The following HPS3 variants were observed in gnomAD, a reference collection of about 807,000 sequenced individuals.
HPS3 encodes HPS3 biogenesis of lysosomal organelles complex 2 subunit 1.
A neutral mutation model predicts 110.9 loss-of-function variants in HPS3; 79 were observed. The ratio of observed to expected loss-of-function variants is 0.71; its 90% CI spans 0.59 to 0.86. The LOEUF (loss-of-function observed/expected upper bound fraction) is 0.86. HPS3 is among the 40% of genes least tolerant of loss of function. The probability of loss-of-function intolerance (pLI) is 0.00; values close to 1 mark genes in which losing one functional copy is unlikely to be tolerated. For synonymous variants in HPS3, 428 were observed against 451.0 expected (o/e 0.95, Z 0.65); for missense variants, 1,197 against 1,206.2 (o/e 0.99, Z 0.11).
intron 1 of HPS3, among the ~76,000 whole-genome samples, chr3:149,136,205 CATAT>C (rs35285836): frequency 8.0e-5 from 12 of 150,272 alleles, no homozygotes; most frequent in South Asian, 2.1e-4. Context: ...TATGTATATA[CATAT>C]ATATATACAC....
rs553394371 is a variant in HPS3, at chr3:149,166,901, T to C, written c.2590-133T>C. 7 of 726,928 alleles carry C rather than the reference T, an allele frequency of 9.6e-6. No individual in the cohort carries two copies. The East Asian group carries it at 1.5e-4, about 16-fold the overall frequency. 45.0% of individuals were successfully genotyped at this position (726,928 alleles called of 1,614,324 possible). On this transcript the variant is annotated intron_variant, in intron 14 of 16. Coordinates refer to ENST00000296051, the MANE Select transcript of HPS3 (RefSeq NM_032383.5). ...ATTTATTAAATAAGGACCACGTGCA[T>C]GTGCTCTAATATGGCATTCTTTCTA...
intron 1 of HPS3, among the ~76,000 whole-genome samples, chr3:149,137,009 A>G (rs1722151598): frequency 1.3e-5 from 2 of 152,224 alleles, no homozygotes; most frequent in Non-Finnish European, 1.5e-5. Flanking sequence ...GTATATCAAA[A>G]GACTCATCAA....
At chr3:149,154,989 G>C in intron 7 of HPS3, 118 bp from the exon 8 acceptor site, 1 of 696,280 alleles carries the variant, frequency 1.4e-6, no homozygotes, top group East Asian at 2.7e-5. Flanking sequence ...GTTAATCACT[G>C]AGGAAAATAG....
rs35096694 is a variant in HPS3, at chr3:149,172,040, A to T, written c.2888-55A>T. 14,306 of 1,576,530 alleles carry T rather than the reference A, an allele frequency of 9.1e-3. 211 individuals are homozygous for T. Among genetic ancestry groups the T allele is most frequent in the African/African-American group, 0.063 (4,673 of 74,112 alleles). On this transcript the variant is annotated intron_variant, in intron 16 of 16. Coordinates refer to ENST00000296051, the MANE Select transcript of HPS3 (RefSeq NM_032383.5). ...TCTAATTGGTTGGTTAAGTAAGAAGAGATTGAATGAAAGACAGACTTTCAA... is the reference window on the plus strand; with the variant it reads ...TCTAATTGGTTGGTTAAGTAAGAAGTGATTGAATGAAAGACAGACTTTCAA...
In HPS3 at chr3:149,140,030, A is replaced by G. The variant is rs1359875512; in HGVS notation, c.244A>G (p.Lys82Glu). 2.5e-6 allele frequency: 4 copies of G among 1,613,314 alleles called. No homozygotes were observed. The highest frequency in any genetic ancestry group is 3.4e-6 in the Non-Finnish European group (4 of 1,179,628). ...AGATTATTTGGTAGCAATTGAAGAG[A>G]AAAACAAAGCTACATTTCTACGTGC... is the stretch of plus-strand genomic sequence containing the variant. ...AGDYLVAIEEKNKATFLRAYV... is the reference protein window; with the variant it reads ...AGDYLVAIEEENKATFLRAYV... Residue 82 changes from lysine to glutamate, a missense_variant, in exon 2 of 17, where the codon AAA (lysine) becomes GAA (glutamate). By Grantham distance (56) the Lys-to-Glu change is moderately conservative (BLOSUM62 1). Coordinates refer to ENST00000296051, the MANE Select transcript of HPS3 (RefSeq NM_032383.5).
At chr3:149,136,945 T>C (rs1722145409) in intron 1 of HPS3, among the ~76,000 whole-genome samples, 1 of 152,170 alleles carries the variant, frequency 6.6e-6, no homozygotes, top group Admixed American at 6.5e-5. Context: ...ACCAAAAGTA[T>C]AGGCAACAGA....
At chr3:149,160,008 G>A (rs1163365853) in intron 10 of HPS3, 38 bp from the exon 11 acceptor site, 18 of 1,472,012 alleles carry the variant, frequency 1.2e-5, no homozygotes, top group Admixed American at 5.0e-5. Flanking sequence ...CTGGCTGACT[G>A]ACCTTTTATT....
chr3:149,140,942 A>G lies in HPS3; in HGVS notation c.713-75A>G, dbSNP rs776727453. The G allele has an allele frequency of 7.0e-5, 90 of 1,294,346 alleles. No individual in the cohort carries two copies. The Middle Eastern group carries it at 4.4e-3, about 63-fold the overall frequency. The allele number at this position is 1,294,346 out of a possible 1,614,324, so 80.2% of individuals were successfully genotyped here. On this transcript the variant is annotated intron_variant, in intron 2 of 16. Transcript: ENST00000296051. ...TATTATAAATAAATGAAATTACTAT[A>G]TGTCTAATTGGTGAGAGGATGTTGT...
At chr3:149,164,094 T>G in intron 14 of HPS3, 145 bp downstream of exon 14, 1 of 587,010 alleles carries the variant, frequency 1.7e-6, no homozygotes, top group Non-Finnish European at 3.0e-6. Flanking sequence ...CTCAGGAGAC[T>G]TGGAGGGAAT....
At chr3:149,148,787 C>T (rs1722933519) in intron 5 of HPS3, among the ~76,000 whole-genome samples, 1 of 152,010 alleles carries the variant, frequency 6.6e-6, no homozygotes, top group Non-Finnish European at 1.5e-5. Flanking sequence ...GCTCTGTCCA[C>T]TGTTCAGCAA....
chr3:149,148,278 A>G (rs1237159648), intron 5 of HPS3, among the ~76,000 whole-genome samples: 2 of 152,192 alleles, frequency 1.3e-5, no homozygotes, highest in African/African-American at 4.8e-5. Context: ...AGAAAGCAAT[A>G]GAGATTTTTT....
At position 149,145,364 on chromosome 3, in the gene HPS3, A is replaced by AT. The variant is rs1005049091; in HGVS notation, c.982dup (p.Ser328PhefsTer2). 2 of 1,609,950 alleles carry AT rather than the reference A, an allele frequency of 1.2e-6. No individual in the cohort carries two copies. The highest frequency in any genetic ancestry group is 2.7e-5 in the African/African-American group (2 of 74,692). Reference sequence around the variant, plus strand: ...CATTTTTGCATGCAGGTTCTCTTACATCTGATGGAAAAAATTTGTCTCAGG... The same window carrying AT: ...CATTTTTGCATGCAGGTTCTCTTACATTCTGATGGAAAAAATTTGTCTCAGG... On this transcript the variant is annotated frameshift_variant, in exon 5 of 17. Coordinates refer to ENST00000296051, the MANE Select transcript of HPS3 (RefSeq NM_032383.5). LOFTEE classifies it high-confidence loss of function.
rs1325152912 is a variant in HPS3 at position 149,153,518 on chromosome 3, G to A, written c.1270G>A (p.Val424Ile). The part of the protein sequence containing the change: ...LKACPPVSMD[V>I]CALRIQLFIG... ...GGCTTGCCCACCTGTCAGTATGGAT[G>A]TCTGTGCTTTAAGAATACAGCTTTT... is the stretch of plus-strand genomic sequence containing the variant. The change falls in exon 7 of 17, where the codon GTC (valine) becomes ATC (isoleucine). Residue 424 changes from valine (V) to isoleucine (I), a missense_variant. By Grantham distance (29) the Val-to-Ile change is conservative (BLOSUM62 3). Transcript: ENST00000296051. 1 of 1,614,048 alleles carries A rather than the reference G, an allele frequency of 6.2e-7. No homozygotes were observed. Among genetic ancestry groups the A allele is most frequent in the South Asian group, 1.1e-5 (1 of 91,072 alleles).
At position 149,167,890 on chromosome 3, in the gene HPS3, T is replaced by C; in HGVS notation, c.2797-3T>C. 2.6e-6 allele frequency: 4 copies of C among 1,567,088 alleles called. No homozygotes were observed. The highest frequency in any genetic ancestry group is 3.5e-6 in the Non-Finnish European group (4 of 1,137,222). ...AAAATTTATTCATTTTTTCCTAAGA[T>C]AGACTCTGTGGTGGAAAAAACTGTT... is the stretch of plus-strand genomic sequence containing the variant. On this transcript the variant is annotated splice_polypyrimidine_tract_variant and splice_region_variant and intron_variant, in intron 15 of 16. Coordinates refer to ENST00000296051, the MANE Select transcript of HPS3 (RefSeq NM_032383.5).
intron 5 of HPS3, among the ~76,000 whole-genome samples, chr3:149,148,277 T>C (rs1420565121): frequency 1.3e-5 from 2 of 151,784 alleles, no homozygotes; most frequent in Non-Finnish European, 1.5e-5. Context: ...AAGAAAGCAA[T>C]AGAGATTTTT....
Position 149,158,952 on chromosome 3 carries a change from T to C in HPS3, c.1872+106T>C, listed in dbSNP as rs1015224286. The stretch of plus-strand genomic sequence containing the variant: ...GTCAGATTCCAAATATTTTTCTTCT[T>C]TGATACTCTTTTTCTAAAAAAGTAA... On this transcript the variant is annotated intron_variant, in intron 10 of 16. Transcript: ENST00000296051. 97 of 773,142 alleles carry C rather than the reference T, an allele frequency of 1.3e-4. 1 individual carries two copies. In the South Asian group the frequency reaches 1.4e-3, roughly 11 times the overall value. The allele number at this position is 773,142 out of a possible 1,614,324, so 47.9% of individuals were successfully genotyped here. A position where few individuals can be genotyped will look rare whatever the true frequency, so the allele number is the denominator to read the frequency against.
chr3:149,137,481 CA>C (rs1722182064), intron 1 of HPS3, among the ~76,000 whole-genome samples: 1 of 152,116 alleles, frequency 6.6e-6, no homozygotes, highest in African/African-American at 2.4e-5. Context: ...GGTGTATACC[CA>C]AAATAATTGA....
Position 149,129,869 on chromosome 3 carries a change from A to G in HPS3, c.146A>G (p.Gln49Arg). 1 of 1,597,100 alleles carries G rather than the reference A, an allele frequency of 6.3e-7. No individual in the cohort carries two copies. Among genetic ancestry groups the G allele is most frequent in the Non-Finnish European group, 8.5e-7 (1 of 1,176,632 alleles). Residue 49 changes from glutamine (Q) to arginine (R), a missense_variant, in exon 1 of 17, where the codon CAG (glutamine) becomes CGG (arginine). By Grantham distance (43) the Gln-to-Arg change is conservative. Transcript: ENST00000296051. ...CKVEAFAVAG[Q>R]ELCQPRCAFS... is the part of the protein sequence containing the mutation. ...GTGGAGGCGTTCGCGGTGGCCGGCC[A>G]GGAGCTGTGCCAGCCGCGGTGCGCC...
intron 15 of HPS3, 101 bp downstream of exon 15, chr3:149,167,341 A>G: frequency 1.1e-6 from 1 of 899,458 alleles, no homozygotes; most frequent in South Asian, 1.4e-5. Flanking sequence ...ATGCTAATCC[A>G]ACATCATAAG....
Sources: allele counts gnomAD v4.1 joint callset (sites outside exome capture counted in the v4.1 genomes callset), GRCh38; gene constraint gnomAD v4.1.1; transcripts MANE v1.5; gene names NCBI Gene and HGNC (gene_info 2026-07-23, HGNC 2026-07-21).